The following MTSS1 variants were observed in gnomAD, a reference collection of about 807,000 sequenced individuals.
MTSS1 encodes MTSS I-BAR domain containing 1.
Under a neutral mutation model 79.0 loss-of-function variants are expected in MTSS1, and 18 were observed. The ratio of observed to expected loss-of-function variants is 0.23; its 90% confidence interval spans 0.16 to 0.34. MTSS1 has a LOEUF of 0.34. MTSS1 is among the 10% of genes least tolerant of loss of function. The pLI is 1.00. For synonymous variants in MTSS1, 341 were observed against 368.6 expected, an observed-to-expected ratio of 0.93 and a Z score of 0.86; for missense variants, 815 against 986.2, an observed-to-expected ratio of 0.83 and a Z score of 2.33.
intron 3 of MTSS1, among the ~76,000 whole-genome samples, chr8:124,652,294 C>T (rs1306643266): frequency 6.6e-6 from 1 of 152,138 alleles, no homozygotes; most frequent in Non-Finnish European, 1.5e-5. Context: ...CTGCCTCAGC[C>T]TCCCGAGTAG....
At chr8:124,668,845 T>C (rs576575416) in intron 3 of MTSS1, among the ~76,000 whole-genome samples, 1 of 152,296 alleles carries the variant, frequency 6.6e-6, no homozygotes, top group East Asian at 1.9e-4. Context: ...ACTCCCTTTG[T>C]TCCCGTGAAG....
intron 3 of MTSS1, among the ~76,000 whole-genome samples, chr8:124,604,472 C>A (rs1834459785): frequency 6.6e-6 from 1 of 151,986 alleles, no homozygotes; most frequent in South Asian, 2.1e-4. Flanking sequence ...AAAAGATATT[C>A]AAAAATAAAC....
chr8:124,605,544 A>ACTGCCTCCCTCCCTGCCCTCGTG (rs1563842513), intron 3 of MTSS1, among the ~76,000 whole-genome samples: 11 of 132,750 alleles, frequency 8.3e-5, no homozygotes, highest in African/African-American at 3.0e-4. Context: ...CAGCCCTCGC[A>ACTGCCTCCCTCCCTGCCCTCGTG]CTGCCTCCCT....
At chr8:124,677,597 G>A (rs569041183) in intron 3 of MTSS1, among the ~76,000 whole-genome samples, 2 of 152,262 alleles carry the variant, frequency 1.3e-5, no homozygotes, top group East Asian at 1.9e-4. Flanking sequence ...CCAATAGCAG[G>A]CTGCATTTGG....
intron 3 of MTSS1, among the ~76,000 whole-genome samples, chr8:124,615,137 T>G (rs1037996621): frequency 6.6e-6 from 1 of 152,146 alleles, no homozygotes; most frequent in African/African-American, 2.4e-5. Context: ...GAGTCCAGTG[T>G]GGCCAGAGTG....
chr8:124,712,081 A>C (rs3109480), intron 1 of MTSS1, among the ~76,000 whole-genome samples: 1 of 152,042 alleles, frequency 6.6e-6, no homozygotes, highest in Non-Finnish European at 1.5e-5. Context: ...GTAGAAATGC[A>C]CCAAGAGGTT....
chr8:124,656,096 T>C (rs576441640), intron 3 of MTSS1, among the ~76,000 whole-genome samples: 1 of 152,354 alleles, frequency 6.6e-6, no homozygotes, highest in African/African-American at 2.4e-5. Context: ...TTAAGTCCTT[T>C]TCATGCACTA....
intron 1 of MTSS1, among the ~76,000 whole-genome samples, chr8:124,725,580 C>T (rs1368097754): frequency 6.6e-6 from 1 of 151,980 alleles, no homozygotes; most frequent in Non-Finnish European, 1.5e-5. Flanking sequence ...GATAGGAGAC[C>T]AAAGGCATTA....
intron 10 of MTSS1, among the ~76,000 whole-genome samples, chr8:124,561,466 G>C (rs1465497929): frequency 1.3e-5 from 2 of 152,116 alleles, no homozygotes; most frequent in Non-Finnish European, 2.9e-5. Flanking sequence ...TGCTAGCCAC[G>C]CATGTCTTGG....
chr8:124,681,868 G>C (rs1484473098), intron 3 of MTSS1, among the ~76,000 whole-genome samples: 1 of 152,198 alleles, frequency 6.6e-6, no homozygotes, highest in East Asian at 1.9e-4. Flanking sequence ...CATAGTGCCT[G>C]ACACATTTGT....
At chr8:124,569,505 G>A (rs1827275899) in intron 6 of MTSS1, among the ~76,000 whole-genome samples, 1 of 152,196 alleles carries the variant, frequency 6.6e-6, no homozygotes, top group African/African-American at 2.4e-5. Context: ...GTCCAAAGGA[G>A]CAGCTACTAC....
intron 3 of MTSS1, among the ~76,000 whole-genome samples, chr8:124,646,430 A>G (rs1402369416): frequency 2.0e-5 from 3 of 152,212 alleles, no homozygotes; most frequent in Admixed American, 6.5e-5. Context: ...GGTCACAAAG[A>G]ATAACTGAGT....
chr8:124,635,231 G>A (rs1041178668), intron 3 of MTSS1, among the ~76,000 whole-genome samples: 24 of 152,210 alleles, frequency 1.6e-4, no homozygotes, highest in Non-Finnish European at 2.8e-4. Context: ...TAAAGGAATA[G>A]CATTTCAGAG....
intron 3 of MTSS1, among the ~76,000 whole-genome samples, chr8:124,591,610 A>G (rs1831897670): frequency 6.6e-6 from 1 of 152,238 alleles, no homozygotes; most frequent in Non-Finnish European, 1.5e-5. Context: ...TAATCAATAT[A>G]GTATCTGCTG....
intron 3 of MTSS1, among the ~76,000 whole-genome samples, chr8:124,682,367 A>T: frequency 6.6e-6 from 1 of 152,220 alleles, no homozygotes; most frequent in Admixed American, 6.5e-5. Context: ...TCAGCAGCAA[A>T]GTAGCTGGAA....
intron 3 of MTSS1, among the ~76,000 whole-genome samples, chr8:124,612,627 TGTGTGTA>T: frequency 1.8e-5 from 2 of 110,222 alleles, no homozygotes; most frequent in African/African-American, 3.7e-5. Flanking sequence ...TGTGTGTGTG[TGTGTGTA>T]CGAGAGAGAA....
Position 124,587,313 on chromosome 8 carries a change from C to T in MTSS1, c.386-2152G>A, listed in dbSNP as rs181533748. Among the ~76,000 whole-genome samples, 271 of 152,236 alleles carry T rather than the reference C, an allele frequency of 1.8e-3. 1 individual carries two copies. Among genetic ancestry groups the T allele is most frequent in the African/African-American group, 6.2e-3 (257 of 41,534 alleles). The stretch of plus-strand genomic sequence containing the variant: ...GCCAAACATAAACTATCAACTCTTT[C>T]CCCATCTGAAAAAAAATGTCAAATG... On this transcript the variant is annotated intron_variant, in intron 5 of 13. Coordinates refer to ENST00000518547, the MANE Select transcript of MTSS1 (RefSeq NM_014751.6).
intron 6 of MTSS1, among the ~76,000 whole-genome samples, chr8:124,578,115 G>A (rs143511350): frequency 6.6e-6 from 1 of 152,226 alleles, no homozygotes; most frequent in African/African-American, 2.4e-5. Context: ...GATCAGAATC[G>A]AGGCCCAGTG....
At position 124,728,291 on chromosome 8, in the gene MTSS1, C is replaced by T; in HGVS notation, c.-336G>A. ...CCATCTTGATGCAGAGAAAATCGCC[C>T]GCTGACCCGGGGCCAGCGCCATTGA... On this transcript the variant is annotated 5_prime_UTR_variant, in exon 1 of 14. Coordinates refer to ENST00000518547, the MANE Select transcript of MTSS1 (RefSeq NM_014751.6). This position sits in a 1 kb window ranked among gnomAD's most constrained non-coding sequence, Gnocchi z 6.1. 4.6e-6 allele frequency: 1 copy of T among 218,874 alleles called. No individual in the cohort carries two copies. Among genetic ancestry groups the T allele is most frequent in the Non-Finnish European group, 8.9e-6 (1 of 111,934 alleles). The allele number at this position is 218,874 out of a possible 1,614,324, so 13.6% of individuals were successfully genotyped here.
Sources: allele counts gnomAD v4.1 joint callset (sites outside exome capture counted in the v4.1 genomes callset), GRCh38; gene constraint gnomAD v4.1.1; non-coding constraint Gnocchi (gnomAD v3.1); transcripts MANE v1.5; gene names NCBI Gene and HGNC (gene_info 2026-07-23, HGNC 2026-07-21).